The following MCUB variants were observed in gnomAD, a reference collection of about 807,000 sequenced individuals.
MCUB encodes the protein mitochondrial calcium uniporter dominant negative subunit beta.
Under a neutral mutation model 41.4 loss-of-function variants are expected in MCUB, and 46 were observed. The ratio of observed to expected loss-of-function variants is 1.11; its 90% CI spans 0.88 to 1.42. The LOEUF (loss-of-function observed/expected upper bound fraction) is 1.42, where lower values mean the gene tolerates loss of function less well. Ranked by LOEUF, MCUB falls within the 40% of genes most tolerant of loss-of-function variation. The probability of loss-of-function intolerance (pLI) is 0.00; values close to 1 mark genes in which losing one functional copy is unlikely to be tolerated. For synonymous variants in MCUB, 148 were observed against 148.2 expected (o/e 1.00, Z 0.01); for missense variants, 403 against 404.9 (o/e 1.00, Z 0.04).
chr4:109,673,706 A>G (rs1293182924), intron 4 of MCUB: 1 of 486,734 alleles, frequency 2.1e-6, no homozygotes, highest in African/African-American at 2.0e-5. Context: ...TGGATTTGAA[A>G]ATTTGGGGTA....
chr4:109,673,967 C>T (rs1579094710), intron 4 of MCUB: 3 of 861,842 alleles, frequency 3.5e-6, no homozygotes, highest in Non-Finnish European at 4.0e-6. Context: ...GCAGTTGTTG[C>T]ATATGGATTA....
intron 3 of MCUB, among the ~76,000 whole-genome samples, chr4:109,662,773 T>A (rs1729255505): frequency 6.6e-6 from 1 of 152,224 alleles, no homozygotes; most frequent in Non-Finnish European, 1.5e-5. Flanking sequence ...ACATGTAAAT[T>A]TTTAAATGAC....
intron 4 of MCUB, among the ~76,000 whole-genome samples, chr4:109,676,245 A>C (rs1341535916): frequency 6.6e-6 from 1 of 152,162 alleles, no homozygotes; most frequent in Non-Finnish European, 1.5e-5. Flanking sequence ...GTTTGTAGAA[A>C]TATCGATGGT....
intron 1 of MCUB, among the ~76,000 whole-genome samples, chr4:109,628,521 A>G (rs1205300853): frequency 6.6e-6 from 1 of 152,232 alleles, no homozygotes; most frequent in Non-Finnish European, 1.5e-5. Context: ...AGTCAGGGAA[A>G]GATGGTGATG....
chr4:109,670,487 G>A (rs1294891984), intron 4 of MCUB, among the ~76,000 whole-genome samples: 1 of 152,128 alleles, frequency 6.6e-6, no homozygotes, highest in East Asian at 1.9e-4. Context: ...AGAGGCTGAG[G>A]GAGTGGGGAT....
chr4:109,569,203 C>T (rs193028348), intron 1 of MCUB, among the ~76,000 whole-genome samples: 63 of 151,850 alleles, frequency 4.1e-4, no homozygotes, highest in Admixed American at 2.4e-3. Flanking sequence ...CCTGCCACCA[C>T]GCCCGGCCAA....
At chr4:109,657,704 T>A (rs934895575) in intron 1 of MCUB, among the ~76,000 whole-genome samples, 1 of 152,226 alleles carries the variant, frequency 6.6e-6, no homozygotes, top group Non-Finnish European at 1.5e-5. Context: ...CCACAATATC[T>A]TTGTTCACAC....
chr4:109,645,533 C>A (rs1579080691), intron 1 of MCUB, among the ~76,000 whole-genome samples: 1 of 151,608 alleles, frequency 6.6e-6, no homozygotes, highest in African/African-American at 2.4e-5. Context: ...AAAAACTTCC[C>A]ATGAGTTGAT....
At chr4:109,675,531 C>G (rs758589511) in intron 4 of MCUB, among the ~76,000 whole-genome samples, 1 of 152,228 alleles carries the variant, frequency 6.6e-6, no homozygotes, top group Non-Finnish European at 1.5e-5. Context: ...TCAGTACCCT[C>G]TGGAAAATTT....
intron 1 of MCUB, among the ~76,000 whole-genome samples, chr4:109,582,438 A>G (rs1727202848): frequency 6.6e-6 from 1 of 150,996 alleles, no homozygotes; most frequent in African/African-American, 2.4e-5. Context: ...ATGATGAGTA[A>G]AGGGTGCAGC....
intron 1 of MCUB, among the ~76,000 whole-genome samples, chr4:109,643,730 C>T (rs188541282): frequency 2.0e-3 from 298 of 150,984 alleles, no homozygotes; most frequent in African/African-American, 7.1e-3. Flanking sequence ...TGTAGAACTC[C>T]TGACCTCAGG....
At chr4:109,666,673 A>T (rs797000757) in intron 4 of MCUB, among the ~76,000 whole-genome samples, 1 of 152,046 alleles carries the variant, frequency 6.6e-6, no homozygotes, top group African/African-American at 2.4e-5. Flanking sequence ...TATGTTTGGG[A>T]TAACGGTCTT....
At chr4:109,655,962 A>T (rs1729087183) in intron 1 of MCUB, among the ~76,000 whole-genome samples, 1 of 152,264 alleles carries the variant, frequency 6.6e-6, no homozygotes, top group South Asian at 2.1e-4. Flanking sequence ...GGCAAGCAAA[A>T]GCTTGAGAAA....
At chr4:109,618,728 G>A (rs547424091) in intron 1 of MCUB, among the ~76,000 whole-genome samples, 1 of 151,854 alleles carries the variant, frequency 6.6e-6, no homozygotes, top group Non-Finnish European at 1.5e-5. Context: ...CCTAACTGAA[G>A]GTATTATTTT....
intron 1 of MCUB, among the ~76,000 whole-genome samples, chr4:109,572,731 T>G (rs1410444853): frequency 6.6e-6 from 1 of 152,162 alleles, no homozygotes; most frequent in Admixed American, 6.5e-5. Flanking sequence ...CAGATTTGGA[T>G]GTCACTATTG....
intron 1 of MCUB, among the ~76,000 whole-genome samples, chr4:109,639,350 C>CT (rs34320513): frequency 0.18 from 26,882 of 147,396 alleles, 3,643 homozygotes; most frequent in African/African-American, 0.39. Flanking sequence ...GAAAGGAATC[C>CT]TTTTTTTTTT....
intron 1 of MCUB, among the ~76,000 whole-genome samples, chr4:109,654,420 G>A (rs1196678386): frequency 6.6e-6 from 1 of 152,012 alleles, no homozygotes; most frequent in Non-Finnish European, 1.5e-5. Flanking sequence ...AAACCAGCCT[G>A]GCCAATATGG....
intron 1 of MCUB, among the ~76,000 whole-genome samples, chr4:109,629,662 C>G (rs2079131): frequency 0.71 from 107,335 of 152,006 alleles, 38,488 homozygotes; most frequent in African/African-American, 0.82. Context: ...CACATCTACT[C>G]GTTTACTATA....
intron 2 of MCUB, 89 bp downstream of exon 2, chr4:109,659,175 A>T (rs1400107431): frequency 4.9e-6 from 4 of 812,722 alleles, no homozygotes; most frequent in Non-Finnish European, 6.2e-6. Context: ...AGCAGAATAG[A>T]CTTTTCTTAC....
Sources: allele counts gnomAD v4.1 joint callset (sites outside exome capture counted in the v4.1 genomes callset), GRCh38; gene constraint gnomAD v4.1.1; transcripts MANE v1.5; gene names NCBI Gene and HGNC (gene_info 2026-07-23, HGNC 2026-07-21).